The following BNC2 variants were observed in gnomAD, a reference collection of about 807,000 sequenced individuals.
BNC2 encodes basonuclin zinc finger protein 2, also known as zinc finger protein basonuclin-2.
Under a neutral mutation model 76.3 loss-of-function variants are expected in BNC2, and 20 were observed. The observed-to-expected ratio is 0.26, with a 90% CI of 0.18 to 0.38. The LOEUF is 0.38. Among genes scored for constraint, BNC2 ranks in the 10% least tolerant of loss-of-function variants. The pLI is 1.00. For synonymous variants in BNC2, 582 were observed against 514.8 expected (o/e 1.13, Z -1.77); for missense variants, 1,382 against 1,399.8 (o/e 0.99, Z 0.20).
intron 1 of BNC2, among the ~76,000 whole-genome samples, chr9:16,811,015 A>G (rs999190217): frequency 3.3e-5 from 5 of 151,444 alleles, no homozygotes; most frequent in Non-Finnish European, 7.4e-5. Flanking sequence ...TCAGGAGATC[A>G]AGACCATCCT....
intron 1 of BNC2, among the ~76,000 whole-genome samples, chr9:16,776,330 G>C (rs1188557329): frequency 6.6e-6 from 1 of 152,122 alleles, no homozygotes; most frequent in African/African-American, 2.4e-5. Context: ...AGTAGAGACG[G>C]GGTTTCACCA....
chr9:16,851,701 C>T (rs1332442532), intron 1 of BNC2, among the ~76,000 whole-genome samples: 1 of 151,990 alleles, frequency 6.6e-6, no homozygotes, highest in Admixed American at 6.6e-5. Flanking sequence ...GTCACAGATA[C>T]CCAAAGAAGC....
Position 16,435,919 on chromosome 9 carries a change from G to A in BNC2, c.2275C>T (p.Pro759Ser), listed in dbSNP as rs1210673164. ...GAGGGCTCACTGTGGTTCTCATCAG[G>A]CCTCTCACTATTCATCAGGACTTTT... ...SEKVLMNSERPDENHSEPSHQ... is the reference protein window; with the variant it reads ...SEKVLMNSERSDENHSEPSHQ... The change falls in exon 6 of 7, where the codon CCT becomes TCT. Residue 759 changes from proline to serine, a missense_variant. Pro to Ser is a moderately conservative substitution (Grantham distance 74). Coordinates refer to ENST00000380672, the MANE Select transcript of BNC2 (RefSeq NM_017637.6). 4 of 1,613,854 alleles carry A rather than the reference G, an allele frequency of 2.5e-6. No individual in the cohort carries two copies. The highest frequency in any genetic ancestry group is 2.7e-5 in the African/African-American group (2 of 74,858).
At chr9:16,448,679 G>C (rs746372924) in intron 5 of BNC2, among the ~76,000 whole-genome samples, 2 of 152,184 alleles carry the variant, frequency 1.3e-5, no homozygotes, top group Admixed American at 6.6e-5. Context: ...ACTGAGGACT[G>C]AGTGTGTGAC....
At chr9:16,609,797 C>T (rs950021861) in intron 3 of BNC2, among the ~76,000 whole-genome samples, 3 of 152,174 alleles carry the variant, frequency 2.0e-5, no homozygotes, top group Non-Finnish European at 4.4e-5. Context: ...GCTCTTCCCC[C>T]TTGTCTCCAG....
At chr9:16,776,647 C>G (rs1825975636) in intron 1 of BNC2, among the ~76,000 whole-genome samples, 2 of 152,288 alleles carry the variant, frequency 1.3e-5, no homozygotes, top group Admixed American at 1.3e-4. Flanking sequence ...ATACAAACCA[C>G]TCCACTAATT....
intron 3 of BNC2, among the ~76,000 whole-genome samples, chr9:16,652,749 A>G (rs566741229): frequency 2.0e-5 from 3 of 152,326 alleles, no homozygotes; most frequent in South Asian, 2.1e-4. Flanking sequence ...TCTTATGGAC[A>G]GAAGTTGTGC....
At chr9:16,730,516 A>G (rs1418362360) in intron 2 of BNC2, among the ~76,000 whole-genome samples, 3 of 152,272 alleles carry the variant, frequency 2.0e-5, no homozygotes, top group East Asian at 3.9e-4. Flanking sequence ...TTATTAAGAC[A>G]CCAACCCCAA....
intron 5 of BNC2, among the ~76,000 whole-genome samples, chr9:16,442,719 C>T (rs1821152415): frequency 6.6e-6 from 1 of 152,122 alleles, no homozygotes. Flanking sequence ...TACAGGAAAA[C>T]AACTGCTTTC....
chr9:16,678,267 C>T (rs957469006), intron 3 of BNC2, among the ~76,000 whole-genome samples: 2,253 of 80,148 alleles, frequency 0.028, 121 homozygotes, highest in East Asian at 0.087. Flanking sequence ...CTTTCTTTTT[C>T]TTTTTTTTTT....
chr9:16,780,148 A>C (rs1826092286), intron 1 of BNC2, among the ~76,000 whole-genome samples: 1 of 139,392 alleles, frequency 7.2e-6, no homozygotes, highest in Admixed American at 7.6e-5. Flanking sequence ...AGGTAGGAGA[A>C]TGGCGCGAAC....
At chr9:16,522,656 A>G (rs915440501) in intron 5 of BNC2, among the ~76,000 whole-genome samples, 18 of 152,332 alleles carry the variant, frequency 1.2e-4, no homozygotes, top group Admixed American at 1.1e-3. Context: ...GCTTTTTAAA[A>G]GAGTTTTAAT....
At chr9:16,454,194 T>G (rs1488637461) in intron 5 of BNC2, among the ~76,000 whole-genome samples, 1 of 152,224 alleles carries the variant, frequency 6.6e-6, no homozygotes, top group African/African-American at 2.4e-5. Flanking sequence ...TAATCTCAGA[T>G]AATCCCTTAC....
At chr9:16,840,303 T>TA (rs1382380798) in intron 1 of BNC2, among the ~76,000 whole-genome samples, 1 of 152,190 alleles carries the variant, frequency 6.6e-6, no homozygotes, top group Non-Finnish European at 1.5e-5. Flanking sequence ...GGCAGCCACA[T>TA]ACGCTCCTCT....
chr9:16,673,027 G>A (rs1822526040), intron 3 of BNC2, among the ~76,000 whole-genome samples: 1 of 152,234 alleles, frequency 6.6e-6, no homozygotes, highest in African/African-American at 2.4e-5. Context: ...TGGAATCCCT[G>A]TTTAGTTTTG....
intron 5 of BNC2, among the ~76,000 whole-genome samples, chr9:16,438,803 C>T (rs997984367): frequency 3.3e-5 from 5 of 152,090 alleles, no homozygotes; most frequent in African/African-American, 1.2e-4. Context: ...ATCGACGTTA[C>T]CACCGTGAGT....
At chr9:16,454,260 C>T (rs1821401267) in intron 5 of BNC2, among the ~76,000 whole-genome samples, 1 of 152,118 alleles carries the variant, frequency 6.6e-6, no homozygotes, top group African/African-American at 2.4e-5. Context: ...ACCCCTAGAG[C>T]AGAGCTTGGA....
At chr9:16,612,046 A>T (rs533108575) in intron 3 of BNC2, among the ~76,000 whole-genome samples, 1 of 60,000 alleles carries the variant, frequency 1.7e-5, no homozygotes, top group African/African-American at 4.0e-5. Context: ...GAGAACAGAG[A>T]TCTAACACTA....
chr9:16,424,087 G>A (rs1002462921), intron 6 of BNC2, among the ~76,000 whole-genome samples: 19 of 152,106 alleles, frequency 1.2e-4, no homozygotes. Context: ...ACGTAGTCAA[G>A]TAAGTGCAAA....
Sources: gnomAD v4.1 joint callset for allele counts (sites outside exome capture counted in the v4.1 genomes callset) on GRCh38, gnomAD v4.1.1 for gene constraint, MANE v1.5 for transcripts, NCBI Gene and HGNC (gene_info 2026-07-23, HGNC 2026-07-21) for gene names.